HMG20A: variants seen among roughly 807,000 people sequenced by gnomAD.
HMG20A encodes high mobility group protein 20A.
HMG20A carries 17 observed loss-of-function variants against 43.9 expected under a neutral mutation model. The ratio of observed to expected loss-of-function variants is 0.39; its 90% confidence interval spans 0.27 to 0.58. The LOEUF (loss-of-function observed/expected upper bound fraction) is 0.58, where lower values mean the gene tolerates loss of function less well. Among genes scored for constraint, HMG20A ranks in the 20% least tolerant of loss-of-function variants. The probability of loss-of-function intolerance (pLI) is 0.59; values close to 1 mark genes in which losing one functional copy is unlikely to be tolerated. For missense variants in HMG20A, 341 were observed against 438.2 expected (o/e 0.78, Z 1.98); for synonymous variants, 132 against 147.5 (o/e 0.89, Z 0.76).
chr15:77,463,466 T>C (rs2072724887), intron 2 of HMG20A, among the ~76,000 whole-genome samples: 1 of 152,142 alleles, frequency 6.6e-6, no homozygotes, highest in Non-Finnish European at 1.5e-5. Context: ...TCCCAACTCC[T>C]CCCTCGATCA....
At chr15:77,464,522 T>C in intron 3 of HMG20A, 135 bp downstream of exon 3, 2 of 723,014 alleles carry the variant, frequency 2.8e-6, no homozygotes, top group Non-Finnish European at 4.5e-6. Flanking sequence ...TTTTGTTTTC[T>C]ATTTCTTGTT....
downstream of HMG20A, among the ~76,000 whole-genome samples, chr15:77,489,296 CAGTA>C (rs2072960455): frequency 6.6e-6 from 1 of 152,148 alleles, no homozygotes; most frequent in East Asian, 1.9e-4. Context: ...CTCATTTTTA[CAGTA>C]AGTAAATTAA....
intron 1 of HMG20A, among the ~76,000 whole-genome samples, chr15:77,425,079 C>T (rs998523101): frequency 6.6e-6 from 1 of 152,080 alleles, no homozygotes; most frequent in African/African-American, 2.4e-5. Flanking sequence ...TCTTTGAGGT[C>T]GTTTCTCAAG....
the HMG20A span, among the ~76,000 whole-genome samples, chr15:77,500,068 T>G: frequency 6.6e-6 from 1 of 152,092 alleles, no homozygotes; most frequent in African/African-American, 2.4e-5. Context: ...TGACCTCAAA[T>G]GATCCACCCG....
At chr15:77,446,346 A>T (rs1322341649) in intron 1 of HMG20A, among the ~76,000 whole-genome samples, 5 of 152,080 alleles carry the variant, frequency 3.3e-5, no homozygotes, top group African/African-American at 9.7e-5. Flanking sequence ...TGGGATTTTT[A>T]AATCTTATTT....
intron 2 of HMG20A, among the ~76,000 whole-genome samples, chr15:77,463,070 C>G (rs1243989452): frequency 2.0e-5 from 3 of 152,136 alleles, no homozygotes; most frequent in African/African-American, 2.4e-5. Context: ...CCACACCTAG[C>G]CATTCTGCCT....
the HMG20A span, among the ~76,000 whole-genome samples, chr15:77,497,682 AGTGTGT>A: frequency 0.11 from 13,163 of 118,634 alleles, 737 homozygotes; most frequent in Middle Eastern, 0.21. Context: ...AGAGAGAGAG[AGTGTGT>A]GTGTGTGTGT....
chr15:77,437,203 A>G (rs1321904661), intron 1 of HMG20A, among the ~76,000 whole-genome samples: 2 of 152,198 alleles, frequency 1.3e-5, no homozygotes, highest in Admixed American at 6.5e-5. Flanking sequence ...ACAAATTTAA[A>G]GTTTATTTAT....
chr15:77,517,745 G>T, the HMG20A span, among the ~76,000 whole-genome samples: 2 of 151,820 alleles, frequency 1.3e-5, no homozygotes, highest in African/African-American at 2.4e-5. Flanking sequence ...GCATGTCATG[G>T]GGCAAATGGG....
chr15:77,438,747 AC>A (rs1489183451), intron 1 of HMG20A, among the ~76,000 whole-genome samples: 1 of 152,146 alleles, frequency 6.6e-6, no homozygotes, highest in East Asian at 1.9e-4. Context: ...CCTGTTTACT[AC>A]CAATTTTAAA....
chr15:77,463,635 G>A (rs977307111), intron 2 of HMG20A, among the ~76,000 whole-genome samples: 7 of 152,142 alleles, frequency 4.6e-5, no homozygotes, highest in Non-Finnish European at 7.4e-5. Context: ...TAACTCATCT[G>A]GAATAGTATA....
rs1567398528 is a variant in HMG20A at position 77,453,233 on chromosome 15, A to AAT, written c.-4-5170_-4-5169insTA. ...ACAACAGAATGATACTCTATCTAAA[A>AAT]AATAATAATAATAATACAAAACACA... On this transcript the variant is annotated intron_variant, in intron 1 of 9. Transcript: ENST00000336216. Among the ~76,000 whole-genome samples, 550 of 152,278 alleles carry AAT rather than the reference A, an allele frequency of 3.6e-3. 2 individuals are homozygous for AAT. The highest frequency in any genetic ancestry group is 0.011 in the African/African-American group (441 of 41,532).
the HMG20A span, among the ~76,000 whole-genome samples, chr15:77,505,215 T>C: frequency 6.6e-6 from 1 of 152,136 alleles, no homozygotes; most frequent in African/African-American, 2.4e-5. Context: ...TGGCCAGCAA[T>C]GCATGAGTTG....
At chr15:77,440,345 A>G (rs950865726) in intron 1 of HMG20A, among the ~76,000 whole-genome samples, 10 of 152,238 alleles carry the variant, frequency 6.6e-5, no homozygotes, top group African/African-American at 2.4e-4. Context: ...TACACACACA[A>G]AAAGAAGTAA....
chr15:77,435,758 T>C (rs2073540106), intron 1 of HMG20A, among the ~76,000 whole-genome samples: 1 of 152,144 alleles, frequency 6.6e-6, no homozygotes, highest in African/African-American at 2.4e-5. Flanking sequence ...AACTTCCATG[T>C]TGTCAAAAAA....
the HMG20A span, among the ~76,000 whole-genome samples, chr15:77,500,297 A>G: frequency 6.6e-6 from 1 of 152,250 alleles, no homozygotes. Context: ...TTGCAGAACC[A>G]GAATTTGAAC....
chr15:77,477,549 T>C lies in HMG20A; in HGVS notation c.616-6T>C. 1 of 1,597,706 alleles carries C rather than the reference T, an allele frequency of 6.3e-7. No homozygotes were observed. The highest frequency in any genetic ancestry group is 8.6e-7 in the Non-Finnish European group (1 of 1,166,242). The stretch of plus-strand genomic sequence containing the variant: ...AATTAACTGTTTTGTTCCTCTTGAT[T>C]CACAGAAAGAAACAGAGGTAAAGGA... On this transcript the variant is annotated splice_polypyrimidine_tract_variant and splice_region_variant and intron_variant, in intron 6 of 9. Coordinates refer to ENST00000336216, the MANE Select transcript of HMG20A (RefSeq NM_001304504.2).
chr15:77,474,241 T>G (rs2072835438), intron 6 of HMG20A, among the ~76,000 whole-genome samples: 1 of 152,138 alleles, frequency 6.6e-6, no homozygotes, highest in South Asian at 2.1e-4. Context: ...AAGTTTTTAA[T>G]AAAAGAGCAA....
chr15:77,433,912 A>G (rs1336256183), intron 1 of HMG20A, among the ~76,000 whole-genome samples: 1 of 152,232 alleles, frequency 6.6e-6, no homozygotes, highest in South Asian at 2.1e-4. Flanking sequence ...TAAAATTCAC[A>G]TAGACATGAA....
Sources: gnomAD v4.1 joint callset for allele counts (sites outside exome capture counted in the v4.1 genomes callset) on GRCh38, gnomAD v4.1.1 for gene constraint, MANE v1.5 for transcripts, NCBI Gene and HGNC (gene_info 2026-07-23, HGNC 2026-07-21) for gene names.